The following TPD52L1 variants were observed in gnomAD, a reference collection of about 807,000 sequenced individuals.
TPD52L1 encodes tumor protein D53.
A neutral mutation model predicts 28.7 loss-of-function variants in TPD52L1; 18 were observed. The observed-to-expected ratio is 0.63, with a 90% confidence interval of 0.43 to 0.93. TPD52L1 has a LOEUF of 0.93. Ranked by LOEUF, TPD52L1 falls within the 40% of genes least tolerant of loss-of-function variation. The pLI is 0.00. For missense variants in TPD52L1, 203 were observed against 254.8 expected (o/e 0.80, Z 1.39); for synonymous variants, 75 against 88.8 (o/e 0.84, Z 0.88).
At chr6:125,255,825 TG>T (rs1481636150) in intron 5 of TPD52L1, among the ~76,000 whole-genome samples, 3 of 152,200 alleles carry the variant, frequency 2.0e-5, no homozygotes, top group Admixed American at 1.3e-4. Context: ...TGATGGCAGT[TG>T]TTGCTGCTGA....
intron 2 of TPD52L1, among the ~76,000 whole-genome samples, chr6:125,223,708 CAAA>C (rs11294390): frequency 2.8e-5 from 2 of 71,484 alleles, no homozygotes; most frequent in Non-Finnish European, 5.6e-5. Flanking sequence ...GATTCCATCT[CAAA>C]AAAAAAAAAA....
intron 1 of TPD52L1, among the ~76,000 whole-genome samples, chr6:125,173,177 A>T (rs1021371099): frequency 6.6e-6 from 1 of 152,164 alleles, no homozygotes; most frequent in African/African-American, 2.4e-5. Flanking sequence ...ACATGTTCAC[A>T]GAAGGAATCC....
chr6:125,179,700 G>A (rs1792060803), intron 1 of TPD52L1, among the ~76,000 whole-genome samples: 1 of 152,114 alleles, frequency 6.6e-6, no homozygotes, highest in African/African-American at 2.4e-5. Context: ...GCTTCAATAT[G>A]TCAGGATGAA....
intron 1 of TPD52L1, among the ~76,000 whole-genome samples, chr6:125,181,882 C>A (rs956851198): frequency 6.6e-6 from 1 of 152,186 alleles, no homozygotes; most frequent in Non-Finnish European, 1.5e-5. Flanking sequence ...ACTCCACGAA[C>A]CAAGGTGTTT....
At chr6:125,185,304 T>G (rs1361048074) in intron 1 of TPD52L1, among the ~76,000 whole-genome samples, 2 of 152,188 alleles carry the variant, frequency 1.3e-5, no homozygotes, top group African/African-American at 4.8e-5. Context: ...AGTAGGTATA[T>G]ATCACAGAAT....
At chr6:125,203,278 G>A (rs1793909020) in intron 1 of TPD52L1, among the ~76,000 whole-genome samples, 1 of 152,112 alleles carries the variant, frequency 6.6e-6, no homozygotes, top group South Asian at 2.1e-4. Context: ...TATCCATCAG[G>A]AACATTAACT....
chr6:125,256,262 A>C (rs1048631437), intron 5 of TPD52L1, among the ~76,000 whole-genome samples: 2 of 152,122 alleles, frequency 1.3e-5, no homozygotes, highest in Non-Finnish European at 2.9e-5. Context: ...AGGCAGGAGA[A>C]TCGCTTGAAC....
intron 6 of TPD52L1, 159 bp from the exon 7 acceptor site, chr6:125,262,675 C>T: frequency 1.1e-6 from 1 of 952,144 alleles, no homozygotes; most frequent in South Asian, 1.8e-5. Flanking sequence ...AATATTCTAG[C>T]ACTCTACTAA....
At chr6:125,183,376 G>A (rs1440128513) in intron 1 of TPD52L1, among the ~76,000 whole-genome samples, 1 of 152,226 alleles carries the variant, frequency 6.6e-6, no homozygotes, top group African/African-American at 2.4e-5. Context: ...CTACATGGGA[G>A]GCTGAGGCAG....
At chr6:125,201,494 C>T (rs1793798044) in intron 1 of TPD52L1, among the ~76,000 whole-genome samples, 1 of 152,288 alleles carries the variant, frequency 6.6e-6, no homozygotes, top group South Asian at 2.1e-4. Context: ...CTTAGGTTTG[C>T]ACCTTTTTTT....
intron 3 of TPD52L1, among the ~76,000 whole-genome samples, chr6:125,238,464 TG>T (rs1796413362): frequency 6.6e-6 from 1 of 152,192 alleles, no homozygotes; most frequent in African/African-American, 2.4e-5. Context: ...ACCCAAACAG[TG>T]TACATTGTAC....
intron 1 of TPD52L1, among the ~76,000 whole-genome samples, chr6:125,218,951 C>A (rs1276507809): frequency 6.6e-6 from 1 of 152,152 alleles, no homozygotes; most frequent in Non-Finnish European, 1.5e-5. Flanking sequence ...GTTAACAGAT[C>A]CCCATCTCAC....
intron 1 of TPD52L1, among the ~76,000 whole-genome samples, chr6:125,158,838 C>A (rs772565375): frequency 1.3e-5 from 2 of 152,150 alleles, no homozygotes; most frequent in African/African-American, 4.8e-5. Context: ...GAGTCACACA[C>A]GTTTTTTGGT....
chr6:125,247,783 T>G (rs538480455), intron 3 of TPD52L1, among the ~76,000 whole-genome samples: 1 of 152,334 alleles, frequency 6.6e-6, no homozygotes, highest in African/African-American at 2.4e-5. Flanking sequence ...CTTTTATTAT[T>G]CCCAGCTATA....
intron 1 of TPD52L1, among the ~76,000 whole-genome samples, chr6:125,170,316 G>A (rs1791206237): frequency 6.6e-6 from 1 of 151,958 alleles, no homozygotes; most frequent in African/African-American, 2.4e-5. Context: ...ATGCAGTCAG[G>A]TGTGTTACAG....
intron 1 of TPD52L1, among the ~76,000 whole-genome samples, chr6:125,199,992 C>T (rs1396416291): frequency 6.6e-6 from 1 of 152,186 alleles, no homozygotes; most frequent in Non-Finnish European, 1.5e-5. Flanking sequence ...TCATTGCTAC[C>T]TTTCACAGGT....
At chr6:125,189,029 C>G (rs1237111543) in intron 1 of TPD52L1, among the ~76,000 whole-genome samples, 1 of 152,144 alleles carries the variant, frequency 6.6e-6, no homozygotes, top group Admixed American at 6.5e-5. Flanking sequence ...GTGGTAGATG[C>G]CTTAGCTAAC....
chr6:125,217,961 G>C (rs1582950726), intron 1 of TPD52L1, among the ~76,000 whole-genome samples: 1 of 152,108 alleles, frequency 6.6e-6, no homozygotes, highest in Admixed American at 6.6e-5. Context: ...TCATGGAAAT[G>C]CACCACAGTA....
chr6:125,258,259 C>T (rs1283146119), intron 6 of TPD52L1, among the ~76,000 whole-genome samples: 1 of 152,092 alleles, frequency 6.6e-6, no homozygotes, highest in East Asian at 1.9e-4. Flanking sequence ...TTTACCATGC[C>T]TTCATCAGTT....
Sources: gnomAD v4.1 joint callset for allele counts (sites outside exome capture counted in the v4.1 genomes callset) on GRCh38, gnomAD v4.1.1 for gene constraint, MANE v1.5 for transcripts, NCBI Gene and HGNC (gene_info 2026-07-23, HGNC 2026-07-21) for gene names.